Variants in LARS2 observed in about 807,000 individuals in gnomAD.
LARS2 encodes the protein leucyl-tRNA synthetase 2, mitochondrial, also known as leucine--tRNA ligase, mitochondrial.
A neutral mutation model predicts 116.6 loss-of-function variants in LARS2; 81 were observed. That is an observed-to-expected ratio of 0.69 (90% CI 0.58 to 0.84). The LOEUF is 0.84. Ranked by LOEUF, LARS2 falls within the 40% of genes least tolerant of loss-of-function variation. The probability of loss-of-function intolerance (pLI) is 0.00; values close to 1 mark genes in which losing one functional copy is unlikely to be tolerated. For missense variants in LARS2, 968 were observed against 1,114.5 expected (o/e 0.87, Z 1.87); for synonymous variants, 396 against 407.2 (o/e 0.97, Z 0.33).
chr3:45,514,424 G>A (rs1156829725), intron 16 of LARS2, among the ~76,000 whole-genome samples: 1 of 152,164 alleles, frequency 6.6e-6, no homozygotes, highest in East Asian at 1.9e-4. Context: ...CCTCATCAAA[G>A]CAAAATATAT....
chr3:45,444,980 A>T (rs1479981618), intron 6 of LARS2, among the ~76,000 whole-genome samples: 2 of 152,154 alleles, frequency 1.3e-5, no homozygotes, highest in Non-Finnish European at 2.9e-5. Context: ...CTAAACCTCT[A>T]GTGGGTAAAG....
intron 8 of LARS2, 107 bp from the exon 9 acceptor site, chr3:45,474,136 C>T (rs1575277216): frequency 1.6e-6 from 1 of 625,504 alleles, no homozygotes; most frequent in East Asian, 2.8e-5. Context: ...AATCCTGGAT[C>T]TTCTTTAGTG....
chr3:45,434,752 C>T (rs574553972), intron 6 of LARS2, among the ~76,000 whole-genome samples: 1 of 152,282 alleles, frequency 6.6e-6, no homozygotes, highest in African/African-American at 2.4e-5. Flanking sequence ...AAAGGGGCCA[C>T]TATCTCTTTA....
chr3:45,518,026 C>A lies in LARS2; in HGVS notation c.2168C>A (p.Ala723Asp), dbSNP rs201214367. 90 of 1,613,642 alleles carry A rather than the reference C, an allele frequency of 5.6e-5. No individual in the cohort carries two copies. In the East Asian group the frequency reaches 1.7e-3, roughly 31 times the overall value. Residue 723 changes from alanine to aspartate, a missense_variant, in exon 18 of 22, where the codon GCT becomes GAT. By Grantham distance (126) the Ala-to-Asp change is moderately radical. Coordinates refer to ENST00000645846, the MANE Select transcript of LARS2 (RefSeq NM_015340.4). ...QPQLLSNKEK[A>D]EARKLWEYKN... ...CAGCTGCTGAGTAACAAGGAGAAAG[C>A]TGAGGCCAGGAAGCTCTGGGAGTAC...
At chr3:45,493,276 T>C (rs1033864690) in intron 13 of LARS2, among the ~76,000 whole-genome samples, 1 of 152,168 alleles carries the variant, frequency 6.6e-6, no homozygotes, top group African/African-American at 2.4e-5. Flanking sequence ...ATTTTTTGTA[T>C]TTTTAGTAGA....
chr3:45,429,473 C>T (rs563237981), intron 6 of LARS2, among the ~76,000 whole-genome samples: 83 of 152,326 alleles, frequency 5.4e-4, no homozygotes, highest in African/African-American at 2.0e-3. Flanking sequence ...TCCAGCAATG[C>T]ATTCCCTCTC....
chr3:45,493,550 C>T (rs763018133), intron 13 of LARS2, among the ~76,000 whole-genome samples: 2 of 152,174 alleles, frequency 1.3e-5, no homozygotes, highest in Non-Finnish European at 2.9e-5. Context: ...AGGTTCTTAA[C>T]CTCTCTGAAT....
intron 8 of LARS2, among the ~76,000 whole-genome samples, chr3:45,461,722 G>A (rs373550927): frequency 1.3e-5 from 2 of 152,264 alleles, no homozygotes; most frequent in Middle Eastern, 3.4e-3. Flanking sequence ...AAGTGAGTAG[G>A]TTAGAAAAAT....
chr3:45,471,381 G>A (rs951104191), intron 8 of LARS2, among the ~76,000 whole-genome samples: 3 of 152,148 alleles, frequency 2.0e-5, no homozygotes, highest in African/African-American at 7.2e-5. Context: ...GATTTGGTTA[G>A]GTTTTAAGCA....
At chr3:45,460,326 C>T (rs960508328) in intron 8 of LARS2, among the ~76,000 whole-genome samples, 1 of 152,146 alleles carries the variant, frequency 6.6e-6, no homozygotes, top group African/African-American at 2.4e-5. Flanking sequence ...GCAGTGGGAG[C>T]CCCTGTCTGC....
At chr3:45,543,915 C>G (rs1022196225) in intron 21 of LARS2, among the ~76,000 whole-genome samples, 3 of 152,316 alleles carry the variant, frequency 2.0e-5, no homozygotes, top group African/African-American at 4.8e-5. Context: ...TAAATTACCA[C>G]TGCAGAAAAG....
chr3:45,491,490 G>A (rs771055394), intron 12 of LARS2, 27 bp from the exon 13 acceptor site: 8 of 1,610,750 alleles, frequency 5.0e-6, no homozygotes, highest in South Asian at 1.1e-5. Context: ...GCGGAGAGGA[G>A]TGAGCTTTCT....
At chr3:45,414,736 A>G (rs932494142) in intron 4 of LARS2, among the ~76,000 whole-genome samples, 2 of 152,248 alleles carry the variant, frequency 1.3e-5, no homozygotes, top group South Asian at 4.1e-4. Context: ...TCTCTTAAAA[A>G]AAAAAAAGGC....
intron 4 of LARS2, among the ~76,000 whole-genome samples, chr3:45,408,306 C>G (rs1698266590): frequency 6.6e-6 from 1 of 152,234 alleles, no homozygotes; most frequent in South Asian, 2.1e-4. Flanking sequence ...GCTACCGGGC[C>G]TCACCCCCTG....
chr3:45,520,072 A>T, intron 18 of LARS2, 147 bp from the exon 19 acceptor site: 1 of 624,482 alleles, frequency 1.6e-6, no homozygotes, highest in Non-Finnish European at 2.9e-6. Flanking sequence ...TAGATGAAAC[A>T]TAGCGATTAT....
intron 4 of LARS2, among the ~76,000 whole-genome samples, chr3:45,414,818 G>T (rs910745744): frequency 3.9e-5 from 6 of 152,166 alleles, no homozygotes; most frequent in African/African-American, 1.2e-4. Context: ...ACTGGAATGG[G>T]CTGTTTTCTA....
At chr3:45,468,304 A>G (rs1331380089) in intron 8 of LARS2, among the ~76,000 whole-genome samples, 1 of 152,122 alleles carries the variant, frequency 6.6e-6, no homozygotes, top group African/African-American at 2.4e-5. Context: ...GGCTGTTACC[A>G]TTTTGTTTTT....
chr3:45,459,647 G>C (rs1051672560), intron 8 of LARS2, among the ~76,000 whole-genome samples: 2 of 152,150 alleles, frequency 1.3e-5, no homozygotes, highest in African/African-American at 2.4e-5. Context: ...CGGTTCTGTA[G>C]GTACTGGAAC....
At chr3:45,534,197 A>G (rs1006219974) in intron 20 of LARS2, among the ~76,000 whole-genome samples, 1 of 152,068 alleles carries the variant, frequency 6.6e-6, no homozygotes, top group Non-Finnish European at 1.5e-5. Flanking sequence ...TTTTTCCTGA[A>G]TGAGCAGCTG....
Sources: gnomAD v4.1 joint callset for allele counts (sites outside exome capture counted in the v4.1 genomes callset) on GRCh38, gnomAD v4.1.1 for gene constraint, MANE v1.5 for transcripts, NCBI Gene and HGNC (gene_info 2026-07-23, HGNC 2026-07-21) for gene names.